MREG: variants seen among roughly 807,000 people sequenced by gnomAD.
The protein encoded by MREG is dilute suppressor protein homolog.
Under a neutral mutation model 28.5 loss-of-function variants are expected in MREG, and 31 were observed. That is an observed-to-expected ratio of 1.09 (90% confidence interval 0.82 to 1.47). The LOEUF (loss-of-function observed/expected upper bound fraction) is 1.47. Ranked by LOEUF, MREG falls within the 40% of genes most tolerant of loss-of-function variation. The probability of loss-of-function intolerance (pLI) is 0.00; values close to 1 mark genes in which losing one functional copy is unlikely to be tolerated. For synonymous variants in MREG, 106 were observed against 95.2 expected, an observed-to-expected ratio of 1.11 and a Z score of -0.66; for missense variants, 256 against 257.4, an observed-to-expected ratio of 0.99 and a Z score of 0.04.
intron 1 of MREG, among the ~76,000 whole-genome samples, chr2:216,003,003 GTTCT>G (rs1429043061): frequency 1.3e-5 from 2 of 148,168 alleles, no homozygotes; most frequent in East Asian, 2.0e-4. Flanking sequence ...TCCTTCCTTT[GTTCT>G]TTCTGATACT....
chr2:215,983,023 T>C (rs1693471137), intron 2 of MREG, among the ~76,000 whole-genome samples: 1 of 152,190 alleles, frequency 6.6e-6, no homozygotes, highest in Non-Finnish European at 1.5e-5. Flanking sequence ...CCAAATCCTC[T>C]AAACCCAAAT....
At chr2:215,954,601 C>T (rs887118145) in intron 2 of MREG, among the ~76,000 whole-genome samples, 1 of 151,986 alleles carries the variant, frequency 6.6e-6, no homozygotes, top group East Asian at 1.9e-4. Flanking sequence ...CTAAGTGCAT[C>T]GAATTCCAAA....
chr2:215,998,299 C>T (rs1316654873), intron 1 of MREG, among the ~76,000 whole-genome samples: 2 of 145,188 alleles, frequency 1.4e-5, no homozygotes, highest in Admixed American at 6.8e-5. Context: ...GAGCAAAACT[C>T]CATCTCACAA....
chr2:215,973,765 G>A (rs60631255), intron 2 of MREG, among the ~76,000 whole-genome samples: 1 of 152,330 alleles, frequency 6.6e-6, no homozygotes, highest in East Asian at 1.9e-4. Context: ...TGGTTGTGCT[G>A]CAACAGGCTG....
Position 215,943,838 on chromosome 2 carries a change from CAAAAA to C in MREG, c.*1020_*1024del, listed in dbSNP as rs1172682973. On this transcript the variant is annotated 3_prime_UTR_variant, in exon 5 of 5. Transcript: ENST00000263268. The stretch of plus-strand genomic sequence containing the variant: ...CCTGGGCGACAGAGCGAGAGTCCAT[CAAAAA>C]AAAAAAAAAAAAAAAAAAGAGCGAA... 4 of 47,212 alleles carry C rather than the reference CAAAAA, an allele frequency of 8.5e-5. No homozygotes were observed. Among genetic ancestry groups the C allele is most frequent in the Non-Finnish European group, 1.1e-4 (3 of 27,432 alleles). 2.9% of individuals were successfully genotyped at this position (47,212 alleles called of 1,614,324 possible). A position where few individuals can be genotyped will look rare whatever the true frequency, so the allele number is the denominator to read the frequency against.
chr2:216,020,476 A>T lies in MREG; in HGVS notation c.-68+12313T>A, dbSNP rs143418785. On this transcript the variant is annotated intron_variant, in intron 1 of 3. Transcript: ENST00000420348. Reference sequence around the variant, plus strand: ...CAGTTGATCAACAGGCCCAGGCTTGACTCTCCTTGACCCAAATGGAACCAA... The same window carrying T: ...CAGTTGATCAACAGGCCCAGGCTTGTCTCTCCTTGACCCAAATGGAACCAA... Among the ~76,000 whole-genome samples, 1,058 of 151,962 alleles carry T rather than the reference A, an allele frequency of 7.0e-3. 7 individuals carry two copies. Among genetic ancestry groups the T allele is most frequent in the African/African-American group, 0.024 (1,002 of 41,432 alleles).
chr2:215,949,127 G>C (rs1362568322), intron 2 of MREG, among the ~76,000 whole-genome samples: 1 of 151,330 alleles, frequency 6.6e-6, no homozygotes, highest in Non-Finnish European at 1.5e-5. Flanking sequence ...GCTGGAGGTG[G>C]TGGCACACAC....
At chr2:215,979,580 C>G (rs1311026593) in intron 2 of MREG, among the ~76,000 whole-genome samples, 1 of 151,798 alleles carries the variant, frequency 6.6e-6, no homozygotes, top group Non-Finnish European at 1.5e-5. Flanking sequence ...TCCTTCTCCA[C>G]TTTATAGTAA....
chr2:215,994,353 G>A (rs1693802235), intron 2 of MREG, among the ~76,000 whole-genome samples: 1 of 151,634 alleles, frequency 6.6e-6, no homozygotes, highest in Non-Finnish European at 1.5e-5. Flanking sequence ...ATAAGTGGGA[G>A]CTGAAAAATG....
chr2:215,980,583 T>C (rs966419655), intron 2 of MREG, among the ~76,000 whole-genome samples: 2 of 152,212 alleles, frequency 1.3e-5, no homozygotes, highest in Non-Finnish European at 2.9e-5. Flanking sequence ...GTGTGAAAAC[T>C]GATCAGTACG....
At chr2:215,959,347 T>TCCTGC (rs3836039) in intron 2 of MREG, among the ~76,000 whole-genome samples, 8 of 151,612 alleles carry the variant, frequency 5.3e-5, no homozygotes, top group Admixed American at 2.0e-4. Context: ...TCCATCATCC[T>TCCTGC]AAGTCACCCT....
intron 2 of MREG, among the ~76,000 whole-genome samples, chr2:215,980,211 C>A (rs1693387496): frequency 6.6e-6 from 1 of 152,142 alleles, no homozygotes. Flanking sequence ...TCCTGGAGGG[C>A]CCCAACTTGT....
intron 2 of MREG, among the ~76,000 whole-genome samples, chr2:215,978,918 G>A (rs1486319452): frequency 6.6e-6 from 1 of 152,136 alleles, no homozygotes; most frequent in Non-Finnish European, 1.5e-5. Flanking sequence ...CAAACCCACA[G>A]CTTAATTACT....
chr2:216,004,629 C>T (rs1046778560), intron 1 of MREG, among the ~76,000 whole-genome samples: 2 of 152,092 alleles, frequency 1.3e-5, no homozygotes, highest in South Asian at 4.1e-4. Context: ...AACCAATGCA[C>T]TCTTGTTTCC....
chr2:215,979,463 C>CAAAAAAAAA (rs747741518), intron 2 of MREG, among the ~76,000 whole-genome samples: 4 of 105,710 alleles, frequency 3.8e-5, no homozygotes, highest in Admixed American at 9.5e-5. Flanking sequence ...AACTCCATCT[C>CAAAAAAAAA]AAAAAATAAT....
chr2:215,970,783 C>T (rs1455314322), intron 2 of MREG, among the ~76,000 whole-genome samples: 2 of 152,122 alleles, frequency 1.3e-5, no homozygotes, highest in Admixed American at 1.3e-4. Context: ...AAGTGCTGTA[C>T]GAATGTTAAT....
intron 1 of MREG, among the ~76,000 whole-genome samples, chr2:216,021,820 C>T (rs555044314): frequency 4.6e-5 from 7 of 152,302 alleles, no homozygotes; most frequent in East Asian, 1.9e-4. Context: ...TAGTCAGATC[C>T]GACCCCATCA....
chr2:215,963,119 C>T (rs1456005394), intron 2 of MREG, among the ~76,000 whole-genome samples: 1 of 151,252 alleles, frequency 6.6e-6, no homozygotes, highest in Non-Finnish European at 1.5e-5. Flanking sequence ...CAGAGCGAGA[C>T]CCTGTCTCAA....
At chr2:215,986,961 G>A (rs372517385) in intron 2 of MREG, among the ~76,000 whole-genome samples, 17 of 152,182 alleles carry the variant, frequency 1.1e-4, no homozygotes, top group African/African-American at 2.2e-4. Context: ...AAAAAACTAC[G>A]AAAGGTCATA....
Sources: allele counts gnomAD v4.1 joint callset (sites outside exome capture counted in the v4.1 genomes callset), GRCh38; gene constraint gnomAD v4.1.1; transcripts MANE v1.5; gene names NCBI Gene and HGNC (gene_info 2026-07-23, HGNC 2026-07-21).